Variants in ITIH6 observed in about 807,000 individuals in gnomAD.
The protein encoded by ITIH6 is inter-alpha-trypsin inhibitor heavy chain family member 6.
In ITIH6, 60 loss-of-function variants were observed where a neutral mutation model predicts 58.2. The ratio of observed to expected loss-of-function variants is 1.03; its 90% confidence interval spans 0.84 to 1.28. ITIH6 has a LOEUF of 1.28. Among genes scored for constraint, ITIH6 ranks in the 50% most tolerant of loss-of-function variants. The pLI is 0.00. For synonymous variants in ITIH6, 493 were observed against 417.4 expected (o/e 1.18, Z -2.21); for missense variants, 1,290 against 1,021.1 (o/e 1.26, Z -3.59).
At chrX:54,782,223 C>T (rs893458930) in intron 5 of ITIH6, among the ~76,000 whole-genome samples, 4 of 110,816 alleles carry the variant, frequency 3.6e-5, no homozygotes, top group African/African-American at 1.3e-4. Context: ...TCGAGATCAG[C>T]CTGACCAACA....
chrX:54,794,735 A>G (rs1392802352), intron 2 of ITIH6, among the ~76,000 whole-genome samples: 1 of 111,119 alleles, frequency 9.0e-6, no homozygotes, highest in African/African-American at 3.3e-5. Flanking sequence ...CCTCCTCCCA[A>G]CTAACAGGGA....
rs374360527 is a variant in ITIH6 at position 54,768,059 on chromosome X, A to G, written c.903+6022T>C. Among the ~76,000 whole-genome samples the G allele has an allele frequency of 5.0e-5, 5 of 99,887 alleles. No homozygotes were observed. In the Admixed American group the frequency reaches 5.3e-4, roughly 11 times the overall value. 86.7% of individuals were successfully genotyped at this position (99,887 alleles called of 115,157 possible). On this transcript the variant is annotated intron_variant, in intron 6 of 12. Transcript: ENST00000218436. ...TTGTAGGTCACTCAGGACATGCTTT[A>G]TGAATCTGGGTGCTCCTGTATTGGG...
chrX:54,795,431 C>T (rs964055904), intron 2 of ITIH6, among the ~76,000 whole-genome samples: 3 of 111,301 alleles, frequency 2.7e-5, no homozygotes, highest in Admixed American at 9.5e-5. Context: ...CAAGTTTTTC[C>T]TGATAGGTGT....
Position 54,758,327 on chromosome X carries a change from T to G in ITIH6, c.1747A>C (p.Thr583Pro). Reference protein sequence around the residue: ...LDAHFQARDTTTRHLLAAKVL... With the variant: ...LDAHFQARDTPTRHLLAAKVL... ...TTGGCAGCCAGCAGGTGGCGAGTGGTGGTGTCACGAGCTTGGAAGTGTGCA... is the reference window on the plus strand; with the variant it reads ...TTGGCAGCCAGCAGGTGGCGAGTGGGGGTGTCACGAGCTTGGAAGTGTGCA... Residue 583 changes from threonine to proline, a missense_variant, in exon 8 of 13, where the codon ACC (threonine) becomes CCC (proline). Thr to Pro is a conservative substitution (Grantham distance 38, BLOSUM62 -1). Coordinates refer to ENST00000218436, the MANE Select transcript of ITIH6 (RefSeq NM_198510.3). 1.7e-6 allele frequency: 2 copies of G among 1,211,726 alleles called. No homozygotes were observed. Among genetic ancestry groups the G allele is most frequent in the South Asian group, 3.5e-5 (2 of 56,918 alleles).
chrX:54,788,131 G>C (rs1929274241), intron 5 of ITIH6, among the ~76,000 whole-genome samples: 1 of 112,044 alleles, frequency 8.9e-6, no homozygotes, highest in Non-Finnish European at 1.9e-5. Context: ...ACACAGGAGA[G>C]TATAGGAGCT....
At chrX:54,775,550 T>C (rs1353046631) in intron 5 of ITIH6, among the ~76,000 whole-genome samples, 1 of 111,536 alleles carries the variant, frequency 9.0e-6, no homozygotes, top group African/African-American at 3.3e-5. Context: ...GCCCCTCCAG[T>C]ACTCCTCAGG....
At chrX:54,780,547 T>C (rs1195422774) in intron 5 of ITIH6, among the ~76,000 whole-genome samples, 3 of 111,765 alleles carry the variant, frequency 2.7e-5, no homozygotes, top group Non-Finnish European at 5.7e-5. Context: ...TTTATAGCTG[T>C]AAGTGCCTAC....
At chrX:54,770,303 G>T (rs1416659939) in intron 6 of ITIH6, among the ~76,000 whole-genome samples, 1 of 112,301 alleles carries the variant, frequency 8.9e-6, no homozygotes, top group East Asian at 2.8e-4. Flanking sequence ...AGATGAACCC[G>T]GTACCTCAGA....
intron 5 of ITIH6, among the ~76,000 whole-genome samples, chrX:54,775,994 A>C (rs1231574479): frequency 8.9e-6 from 1 of 111,808 alleles, no homozygotes; most frequent in African/African-American, 3.3e-5. Context: ...TTTTAACTTC[A>C]TATCAATGAA....
chrX:54,777,219 C>T, intron 5 of ITIH6, among the ~76,000 whole-genome samples: 1 of 112,680 alleles, frequency 8.9e-6, no homozygotes, highest in Non-Finnish European at 1.9e-5. Context: ...GCTCTTCTGC[C>T]TTTGAAAAGG....
At chrX:54,788,794 T>A (rs907850241) in intron 4 of ITIH6, 145 bp from the exon 5 acceptor site, 21 of 468,197 alleles carry the variant, frequency 4.5e-5, no homozygotes, top group Non-Finnish European at 7.0e-5. Flanking sequence ...CCTGCCTACA[T>A]CTTTCCACCT....
rs1230776925 is a variant in ITIH6, at chrX:54,751,231, C to T, written c.3502G>A (p.Gly1168Ser). 1 of 1,211,975 alleles carries T rather than the reference C, an allele frequency of 8.3e-7. No homozygotes were observed. The highest frequency in any genetic ancestry group is 1.8e-5 in the South Asian group (1 of 56,998). The change falls in exon 12 of 13, where the codon GGC (glycine) becomes AGC (serine). Residue 1168 changes from glycine (G) to serine (S), a missense_variant. Gly to Ser is a moderately conservative substitution (Grantham distance 56). Coordinates refer to ENST00000218436, the MANE Select transcript of ITIH6 (RefSeq NM_198510.3). ...CAGGACAGGCGCAAGGTACCCTCGC[C>T]TCGCAAAGATATAGAACTGCGGCTG... ...TISRSSISLR[G>S]EGTLRLSWDQ...
chrX:54,750,791 A>G (rs1478495074), intron 12 of ITIH6, among the ~76,000 whole-genome samples: 1 of 111,367 alleles, frequency 9.0e-6, no homozygotes, highest in Non-Finnish European at 1.9e-5. Context: ...GGTTTTCTCT[A>G]GCTCCCTGGG....
intron 6 of ITIH6, 149 bp downstream of exon 6, chrX:54,773,932 C>T (rs867695272): frequency 3.4e-6 from 1 of 297,831 alleles, no homozygotes; most frequent in East Asian, 6.0e-5. Context: ...AGGTAAGATA[C>T]CAGGACCCTA....
At chrX:54,776,579 G>A (rs905749260) in intron 5 of ITIH6, among the ~76,000 whole-genome samples, 4 of 110,439 alleles carry the variant, frequency 3.6e-5, no homozygotes, top group African/African-American at 9.9e-5. Context: ...TGGAAAAGAC[G>A]TTGTCTTGCA....
chrX:54,781,167 T>G (rs1929141412), intron 5 of ITIH6, among the ~76,000 whole-genome samples: 1 of 111,598 alleles, frequency 9.0e-6, no homozygotes, highest in Admixed American at 9.5e-5. Context: ...AATAGCATTC[T>G]GGACATAGGA....
In ITIH6 at chrX:54,798,112, T is replaced by C. The variant is rs1274685041; in HGVS notation, c.99A>G (p.Thr33=). ...TTTCCCTCATCCCAGAACTGACCTTTGTGCTTGATGAAGCGGGGACAGGGG... is the reference window on the plus strand; with the variant it reads ...TTTCCCTCATCCCAGAACTGACCTTCGTGCTTGATGAAGCGGGGACAGGGG... ...QGPPVPASSS[T]KLLMTSYSMR... Residue 33 remains threonine (T), a synonymous_variant, in exon 1 of 13, where the codon ACA becomes ACG. Transcript: ENST00000218436. 2.6e-6 allele frequency: 3 copies of C among 1,171,908 alleles called. No homozygotes were observed. The highest frequency in any genetic ancestry group is 1.8e-5 in the African/African-American group (1 of 55,700).
chrX:54,786,583 T>C (rs1170537799), intron 5 of ITIH6, among the ~76,000 whole-genome samples: 8 of 111,300 alleles, frequency 7.2e-5, no homozygotes, highest in African/African-American at 9.8e-5. Flanking sequence ...GTTTCTTTTC[T>C]CGTGCGGCCC....
chrX:54,759,051 T>A, intron 7 of ITIH6, 53 bp from the exon 8 acceptor site: 1 of 891,471 alleles, frequency 1.1e-6, no homozygotes. Flanking sequence ...TCTACCCCCA[T>A]TGCAGACACA....
Sources: allele counts gnomAD v4.1 joint callset (sites outside exome capture counted in the v4.1 genomes callset), GRCh38; gene constraint gnomAD v4.1.1; transcripts MANE v1.5; gene names NCBI Gene and HGNC (gene_info 2026-07-23, HGNC 2026-07-21).